The following ZPBP variants were observed in gnomAD, a reference collection of about 807,000 sequenced individuals.
The protein encoded by ZPBP is zona pellucida binding protein, also known as zona pellucida-binding protein 1.
In ZPBP, 26 loss-of-function variants were observed where a neutral mutation model predicts 44.8. The observed-to-expected ratio is 0.58, with a 90% CI of 0.43 to 0.81. ZPBP has a LOEUF of 0.81. Among genes scored for constraint, ZPBP ranks in the 30% least tolerant of loss-of-function variants. The probability of loss-of-function intolerance (pLI) is 0.00; values close to 1 mark genes in which losing one functional copy is unlikely to be tolerated. For missense variants in ZPBP, 409 were observed against 434.0 expected (o/e 0.94, Z 0.51); for synonymous variants, 174 against 153.2 (o/e 1.14, Z -1.00).
intron 5 of ZPBP, among the ~76,000 whole-genome samples, chr7:50,024,647 G>C (rs1799244030): frequency 6.6e-6 from 1 of 151,874 alleles, no homozygotes; most frequent in South Asian, 2.1e-4. Flanking sequence ...AAGTAGAATG[G>C]TGGTTACCCA....
intron 1 of ZPBP, chr7:49,920,575 A>G: frequency 6.6e-6 from 1 of 152,214 alleles, no homozygotes; most frequent in East Asian, 1.9e-4. Context: ...ATGTAAGGGA[A>G]CAGAGAGAGA....
At chr7:49,940,902 G>A in intron 7 of ZPBP, 1 of 461,198 alleles carries the variant, frequency 2.2e-6, no homozygotes, top group Middle Eastern at 1.1e-3. Context: ...GGTGGGGCAA[G>A]AGATTTCCTG....
At chr7:50,059,365 ACC>A (rs1199646424) in intron 3 of ZPBP, among the ~76,000 whole-genome samples, 1 of 152,190 alleles carries the variant, frequency 6.6e-6, no homozygotes, top group Non-Finnish European at 1.5e-5. Context: ...AGATGAATAT[ACC>A]CACCCTCAAA....
At chr7:50,016,314 A>G (rs1798816716) in intron 6 of ZPBP, among the ~76,000 whole-genome samples, 1 of 152,190 alleles carries the variant, frequency 6.6e-6, no homozygotes, top group Non-Finnish European at 1.5e-5. Context: ...GCAGAAACAG[A>G]AAGCCAAATA....
chr7:50,035,194 A>G lies in ZPBP; in HGVS notation c.488-3884T>C, dbSNP rs142426160. On this transcript the variant is annotated intron_variant, in intron 4 of 7. Coordinates refer to ENST00000046087, the MANE Select transcript of ZPBP (RefSeq NM_007009.3). ...GTGGCTCTTTGTTAAAATATTATGT[A>G]AGCAAGGCCCCTAAGCCACCAATCG... 8.3e-4 allele frequency among the ~76,000 whole-genome samples: 127 copies of G among 152,312 alleles called. 1 individual carries two copies. The highest frequency in any genetic ancestry group is 2.8e-3 in the African/African-American group (116 of 41,560).
intron 7 of ZPBP, among the ~76,000 whole-genome samples, chr7:49,979,554 T>C (rs1403268817): frequency 6.6e-6 from 1 of 151,742 alleles, no homozygotes; most frequent in Non-Finnish European, 1.5e-5. Context: ...AATTGTGTTG[T>C]TACCCAAAGT....
chr7:50,083,414 T>A (rs1802469948), intron 2 of ZPBP, among the ~76,000 whole-genome samples: 1 of 151,918 alleles, frequency 6.6e-6, no homozygotes, highest in South Asian at 2.1e-4. Flanking sequence ...TACACATAAC[T>A]TTAAAGATGT....
intron 2 of ZPBP, among the ~76,000 whole-genome samples, chr7:49,884,654 G>C (rs1207696291): frequency 6.6e-6 from 1 of 152,124 alleles, no homozygotes; most frequent in African/African-American, 2.4e-5. Context: ...AGTTGAGCTG[G>C]TTTCCTCAGG....
chr7:49,872,769 AG>A (rs879645359), intron 2 of ZPBP, among the ~76,000 whole-genome samples: 1 of 138,612 alleles, frequency 7.2e-6, no homozygotes, highest in African/African-American at 2.6e-5. Flanking sequence ...AAAAAAAATT[AG>A]TCCGGTGTGG....
At chr7:50,026,394 T>C (rs1436528238) in intron 5 of ZPBP, among the ~76,000 whole-genome samples, 1 of 151,696 alleles carries the variant, frequency 6.6e-6, no homozygotes, top group Non-Finnish European at 1.5e-5. Context: ...AGAAGATCAA[T>C]AAGCAGATAG....
At chr7:49,995,016 A>C (rs117520945) in intron 6 of ZPBP, among the ~76,000 whole-genome samples, 1 of 152,170 alleles carries the variant, frequency 6.6e-6, no homozygotes, top group Admixed American at 6.6e-5. Flanking sequence ...CCTTCACCCT[A>C]TAAGTGTTAT....
intron 2 of ZPBP, among the ~76,000 whole-genome samples, chr7:49,872,915 C>CAAAAAAAAAAAAAAAAA (rs61473396): frequency 2.4e-4 from 8 of 33,956 alleles, no homozygotes; most frequent in African/African-American, 4.1e-4. Flanking sequence ...GACTTTGTCT[C>CAAAAAAAAAAAAAAAAA]AAAAAAAAAA....
chr7:50,053,658 C>T (rs949775193), intron 4 of ZPBP, among the ~76,000 whole-genome samples: 17 of 152,140 alleles, frequency 1.1e-4, no homozygotes, highest in Admixed American at 2.6e-4. Context: ...TTGTATAACA[C>T]ATTTGGAAAT....
chr7:50,026,575 T>A (rs1369428750), intron 5 of ZPBP, among the ~76,000 whole-genome samples: 1 of 151,888 alleles, frequency 6.6e-6, no homozygotes, highest in Non-Finnish European at 1.5e-5. Flanking sequence ...ATAAAGCAGC[T>A]TCCATAATCT....
At chr7:50,081,997 G>C (rs959157083) in intron 2 of ZPBP, 98 bp from the exon 3 acceptor site, 2 of 1,378,250 alleles carry the variant, frequency 1.5e-6, no homozygotes, top group African/African-American at 2.9e-5. Context: ...GCAATAATAA[G>C]AGTACTTTGA....
At chr7:49,898,659 A>G (rs1792529080) in intron 2 of ZPBP, among the ~76,000 whole-genome samples, 1 of 152,096 alleles carries the variant, frequency 6.6e-6, no homozygotes, top group South Asian at 2.1e-4. Context: ...AACCTACATA[A>G]GCTTATGTAT....
rs562374434 is a variant in ZPBP, at chr7:49,990,391, T to A, written c.784-6872A>T. Among the ~76,000 whole-genome samples, 7 of 152,266 alleles carry A rather than the reference T, an allele frequency of 4.6e-5. No homozygotes were observed. The South Asian group carries it at 1.5e-3, about 32-fold the overall frequency. ...CTGTCGTAGTCACCAGACTCAGGGA[T>A]ACAAGGACGGATGAAAGAAAGAGGG... On this transcript the variant is annotated intron_variant, in intron 6 of 7. Transcript: ENST00000046087.
At chr7:50,044,849 G>A (rs1429587170) in intron 4 of ZPBP, among the ~76,000 whole-genome samples, 1 of 152,068 alleles carries the variant, frequency 6.6e-6, no homozygotes, top group Non-Finnish European at 1.5e-5. Flanking sequence ...AAATCTGGCA[G>A]AGACAAAAAA....
chr7:49,877,482 ATATATATAT>A (rs1435242385), intron 2 of ZPBP, among the ~76,000 whole-genome samples: 363 of 20,336 alleles, frequency 0.018, 74 homozygotes, highest in African/African-American at 0.052. Flanking sequence ...AAAAAAAAAA[ATATATATAT>A]ATATATATAT....
Sources: gnomAD v4.1 joint callset for allele counts (sites outside exome capture counted in the v4.1 genomes callset) on GRCh38, gnomAD v4.1.1 for gene constraint, MANE v1.5 for transcripts, NCBI Gene and HGNC (gene_info 2026-07-23, HGNC 2026-07-21) for gene names.